The following C8orf34 variants were observed in gnomAD, a reference collection of about 807,000 sequenced individuals.
C8orf34 encodes uncharacterized protein C8orf34.
Under a neutral mutation model 68.3 loss-of-function variants are expected in C8orf34, and 65 were observed. The ratio of observed to expected loss-of-function variants is 0.95; its 90% CI spans 0.78 to 1.17. C8orf34 has a LOEUF of 1.17. Among genes scored for constraint, C8orf34 ranks in the 50% most tolerant of loss-of-function variants. The probability of loss-of-function intolerance (pLI) is 0.00; values close to 1 mark genes in which losing one functional copy is unlikely to be tolerated. For synonymous variants in C8orf34, 244 were observed against 241.2 expected, an observed-to-expected ratio of 1.01 and a Z score of -0.11; for missense variants, 664 against 655.4, an observed-to-expected ratio of 1.01 and a Z score of -0.14.
At chr8:68,513,933 G>A (rs1053129330) in intron 5 of C8orf34, among the ~76,000 whole-genome samples, 4 of 152,170 alleles carry the variant, frequency 2.6e-5, no homozygotes, top group Non-Finnish European at 5.9e-5. Context: ...ATCCTCAGAA[G>A]TCTGAGGATG....
intron 12 of C8orf34, among the ~76,000 whole-genome samples, chr8:68,806,423 A>G (rs1354178513): frequency 2.0e-5 from 3 of 152,150 alleles, no homozygotes; most frequent in Non-Finnish European, 4.4e-5. Flanking sequence ...CTGAGTATAA[A>G]AATCAAGAAA....
chr8:68,597,064 A>G (rs1817565868), intron 7 of C8orf34, among the ~76,000 whole-genome samples: 1 of 152,144 alleles, frequency 6.6e-6, no homozygotes, highest in Non-Finnish European at 1.5e-5. Flanking sequence ...ATTTTTAATT[A>G]AAGTAATGTT....
chr8:68,511,156 A>T (rs186602837), intron 5 of C8orf34, among the ~76,000 whole-genome samples: 23 of 152,354 alleles, frequency 1.5e-4, no homozygotes, highest in Admixed American at 1.2e-3. Context: ...TGTTATAAAT[A>T]AATTTTTTGG....
chr8:68,567,992 A>G (rs2130237018), intron 7 of C8orf34, among the ~76,000 whole-genome samples: 1 of 151,990 alleles, frequency 6.6e-6, no homozygotes, highest in African/African-American at 2.4e-5. Context: ...AATTGGCCTA[A>G]TTTCAGTATT....
At chr8:68,371,696 T>C (rs1241457367) in intron 1 of C8orf34, among the ~76,000 whole-genome samples, 3 of 151,816 alleles carry the variant, frequency 2.0e-5, no homozygotes, top group African/African-American at 7.3e-5. Flanking sequence ...GCCTCCTGCG[T>C]TCAAGCTATT....
At chr8:68,367,925 A>AAAAAAAAAAAAAAAAAAT (rs1807374136) in intron 1 of C8orf34, among the ~76,000 whole-genome samples, 1 of 147,948 alleles carries the variant, frequency 6.8e-6, no homozygotes, top group Non-Finnish European at 1.5e-5. Context: ...AAAAAAAAAA[A>AAAAAAAAAAAAAAAAAAT]AAAAAAAAAA....
At chr8:68,564,143 TA>T (rs1206160171) in intron 7 of C8orf34, among the ~76,000 whole-genome samples, 1 of 152,228 alleles carries the variant, frequency 6.6e-6, no homozygotes, top group East Asian at 1.9e-4. Context: ...GCTAACATGA[TA>T]AAAATGCCAT....
chr8:68,654,748 A>G (rs1034134652), intron 8 of C8orf34, among the ~76,000 whole-genome samples: 2 of 152,180 alleles, frequency 1.3e-5, no homozygotes, highest in Non-Finnish European at 1.5e-5. Flanking sequence ...CTACATTTTA[A>G]TATAAATAAC....
intron 8 of C8orf34, among the ~76,000 whole-genome samples, chr8:68,644,884 T>C (rs1359065405): frequency 2.6e-5 from 4 of 152,148 alleles, no homozygotes; most frequent in Non-Finnish European, 4.4e-5. Flanking sequence ...TGCTTTCTTT[T>C]TGGGCATCTG....
chr8:68,752,535 A>C (rs540069878), intron 10 of C8orf34, among the ~76,000 whole-genome samples: 6 of 152,198 alleles, frequency 3.9e-5, no homozygotes, highest in Non-Finnish European at 8.8e-5. Flanking sequence ...TAAGAGCCTT[A>C]ATTTTCTTCT....
intron 7 of C8orf34, among the ~76,000 whole-genome samples, chr8:68,579,697 G>A (rs1270464805): frequency 6.6e-6 from 1 of 152,168 alleles, no homozygotes; most frequent in East Asian, 1.9e-4. Flanking sequence ...ATCACCATTT[G>A]TGGTCCAAAG....
intron 7 of C8orf34, among the ~76,000 whole-genome samples, chr8:68,608,390 A>G (rs1056810916): frequency 1.3e-5 from 2 of 152,014 alleles, no homozygotes; most frequent in Non-Finnish European, 2.9e-5. Context: ...CTCTAGAGCT[A>G]TGGGGAGAGG....
chr8:68,334,413 C>T (rs1392121356), intron 1 of C8orf34, among the ~76,000 whole-genome samples: 1 of 150,694 alleles, frequency 6.6e-6, no homozygotes, highest in African/African-American at 2.4e-5. Flanking sequence ...TTACATCTTA[C>T]AAGATAAATA....
intron 7 of C8orf34, among the ~76,000 whole-genome samples, chr8:68,591,531 G>A (rs1817387553): frequency 6.6e-6 from 1 of 152,182 alleles, no homozygotes; most frequent in Non-Finnish European, 1.5e-5. Context: ...TGTAAAATTG[G>A]TAGGGAGGGA....
chr8:68,663,504 C>T (rs765472129), intron 8 of C8orf34, among the ~76,000 whole-genome samples: 2 of 152,132 alleles, frequency 1.3e-5, no homozygotes, highest in Non-Finnish European at 2.9e-5. Flanking sequence ...GTGGAGTCCA[C>T]CAGTTACATT....
chr8:68,707,769 C>T (rs1449640614), intron 8 of C8orf34, among the ~76,000 whole-genome samples: 3 of 151,916 alleles, frequency 2.0e-5, no homozygotes, highest in Non-Finnish European at 4.4e-5. Context: ...TTAAATATCC[C>T]AATGTGTTGG....
chr8:68,603,531 ATC>A (rs1817764381), intron 7 of C8orf34, among the ~76,000 whole-genome samples: 1 of 86,382 alleles, frequency 1.2e-5, no homozygotes, highest in East Asian at 2.7e-4. Context: ...ATATCTATCT[ATC>A]TATCTATCTA....
chr8:68,490,101 A>G (rs1434691449), intron 5 of C8orf34, among the ~76,000 whole-genome samples: 1 of 152,094 alleles, frequency 6.6e-6, no homozygotes, highest in Non-Finnish European at 1.5e-5. Flanking sequence ...GTCTCACCCC[A>G]GCTGGTCTCC....
At chr8:68,687,821 T>C (rs1257020656) in intron 8 of C8orf34, among the ~76,000 whole-genome samples, 2 of 151,834 alleles carry the variant, frequency 1.3e-5, no homozygotes, top group Non-Finnish European at 2.9e-5. Context: ...ACAGAGTAAA[T>C]AGACAACCCA....
Sources: gnomAD v4.1 joint callset for allele counts (sites outside exome capture counted in the v4.1 genomes callset) on GRCh38, gnomAD v4.1.1 for gene constraint, MANE v1.5 for transcripts, NCBI Gene and HGNC (gene_info 2026-07-23, HGNC 2026-07-21) for gene names.